The following KPLCE variants were observed in gnomAD, a reference collection of about 807,000 sequenced individuals.
KPLCE encodes protein KPLCE.
chr1:152,719,694 A>T, the KPLCE span: 1 of 1,552,158 alleles, frequency 6.4e-7, no homozygotes, highest in Non-Finnish European at 8.7e-7. Flanking sequence ...TATGTGAAGT[A>T]CCAAGTTCCA....
the KPLCE span, chr1:152,720,115 T>G: frequency 2.6e-6 from 4 of 1,551,728 alleles, no homozygotes; most frequent in African/African-American, 1.4e-5. Context: ...CAGGATCATC[T>G]GGCTGCTGTG....
the KPLCE span, chr1:152,719,553 C>T: frequency 1.9e-6 from 3 of 1,551,744 alleles, no homozygotes; most frequent in Non-Finnish European, 8.7e-7. Context: ...CCACAGTTCC[C>T]TCCATCTTGT....
At chr1:152,720,132 C>T in the KPLCE span, 15 of 1,551,564 alleles carry the variant, frequency 9.7e-6, no homozygotes, top group African/African-American at 9.6e-5. Context: ...TGTGAGAATT[C>T]GGGAAGCTCT....
At chr1:152,720,422 C>T in the KPLCE span, 1 of 677,704 alleles carries the variant, frequency 1.5e-6, no homozygotes, top group Admixed American at 2.9e-5. Context: ...GGCAGCCTGC[C>T]AGAGTTAGTA....
At chr1:152,720,141 C>T in the KPLCE span, 2 of 1,551,500 alleles carry the variant, frequency 1.3e-6, no homozygotes, top group Non-Finnish European at 8.7e-7. Flanking sequence ...TCGGGAAGCT[C>T]TGGATGCTGT....
the KPLCE span, chr1:152,720,065 C>T: frequency 3.2e-6 from 5 of 1,551,632 alleles, no homozygotes; most frequent in African/African-American, 4.1e-5. Context: ...CGGGGTGAGT[C>T]CCCTGAGACG....
At chr1:152,720,196 G>A in the KPLCE span, 1 of 1,551,720 alleles carries the variant, frequency 6.4e-7, no homozygotes, top group Non-Finnish European at 8.7e-7. Context: ...GCAGCTCTGG[G>A]TGCTGCTGTT....
chr1:152,720,044 C>A, the KPLCE span: 1 of 1,551,756 alleles, frequency 6.4e-7, no homozygotes, highest in East Asian at 2.4e-5. Context: ...CTGTCTGGCT[C>A]CCCGGACCTT....
At chr1:152,720,067 C>G in the KPLCE span, 1 of 1,551,748 alleles carries the variant, frequency 6.4e-7, no homozygotes, top group Admixed American at 2.0e-5. Context: ...GGGTGAGTCC[C>G]CTGAGACGCT....
chr1:152,719,874 T>A, the KPLCE span: 1 of 1,552,048 alleles, frequency 6.4e-7, no homozygotes, highest in Non-Finnish European at 8.7e-7. Flanking sequence ...CCCTGCCAGA[T>A]GACCTACATC....
the KPLCE span, chr1:152,719,942 C>T: frequency 6.4e-7 from 1 of 1,552,104 alleles, no homozygotes; most frequent in Non-Finnish European, 8.7e-7. Flanking sequence ...TTCTCCTTGC[C>T]AGAGCTATTA....
the KPLCE span, chr1:152,720,342 G>T: frequency 1.5e-6 from 2 of 1,303,856 alleles, no homozygotes; most frequent in East Asian, 5.1e-5. Context: ...CCAGCTTCTG[G>T]CCCCCTCTCT....
the KPLCE span, chr1:152,720,133 G>A: frequency 9.0e-6 from 14 of 1,551,696 alleles, no homozygotes; most frequent in African/African-American, 6.8e-5. Flanking sequence ...GTGAGAATTC[G>A]GGAAGCTCTG....
the KPLCE span, chr1:152,719,704 A>C: frequency 6.4e-7 from 1 of 1,552,264 alleles, no homozygotes; most frequent in South Asian, 1.2e-5. Context: ...ACCAAGTTCC[A>C]TGCCAGACTC....
At chr1:152,720,182 T>A in the KPLCE span, 1 of 1,551,592 alleles carries the variant, frequency 6.4e-7, no homozygotes, top group African/African-American at 1.4e-5. Flanking sequence ...CAGCTGTGGA[T>A]GTGGCAGCTC....
chr1:152,719,879 T>C, the KPLCE span: 1 of 1,552,228 alleles, frequency 6.4e-7, no homozygotes, highest in Non-Finnish European at 8.7e-7. Context: ...CCAGATGACC[T>C]ACATCAAAAG....
At chr1:152,719,816 T>C in the KPLCE span, 1 of 1,550,966 alleles carries the variant, frequency 6.4e-7, no homozygotes, top group African/African-American at 1.4e-5. Flanking sequence ...CCAGACAACC[T>C]ATGTAAAATG....
At chr1:152,719,827 C>A in the KPLCE span, 2 of 1,551,300 alleles carry the variant, frequency 1.3e-6, no homozygotes, top group Non-Finnish European at 8.7e-7. Flanking sequence ...ATGTAAAATG[C>A]CCAACTCCCT....
the KPLCE span, chr1:152,720,321 T>G: frequency 3.5e-6 from 5 of 1,424,362 alleles, no homozygotes; most frequent in Non-Finnish European, 4.7e-6. Flanking sequence ...CTACCCCTTC[T>G]GGAACATGCA....
Sources: allele counts gnomAD v4.1 joint callset, GRCh38; gene constraint gnomAD v4.1.1; transcripts MANE v1.5; gene names NCBI Gene and HGNC (gene_info 2026-07-23, HGNC 2026-07-21).